TNR: variants seen among roughly 807,000 people sequenced by gnomAD.
The protein encoded by TNR is tenascin-R.
In TNR, 45 loss-of-function variants were observed where a neutral mutation model predicts 150.4. The ratio of observed to expected loss-of-function variants is 0.30; its 90% CI spans 0.24 to 0.38. The LOEUF is 0.38. Among genes scored for constraint, TNR ranks in the 10% least tolerant of loss-of-function variants. The probability of loss-of-function intolerance (pLI) is 1.00; values close to 1 mark genes in which losing one functional copy is unlikely to be tolerated. For missense variants in TNR, 1,544 were observed against 1,759.1 expected (o/e 0.88, Z 2.19); for synonymous variants, 687 against 678.4 (o/e 1.01, Z -0.20).
intron 2 of TNR, among the ~76,000 whole-genome samples, chr1:175,507,469 G>A (rs1026748071): frequency 3.3e-5 from 5 of 151,906 alleles, no homozygotes; most frequent in African/African-American, 7.3e-5. Flanking sequence ...ATCACCTGAC[G>A]GAGTCCCAGA....
intron 1 of TNR, among the ~76,000 whole-genome samples, chr1:175,678,162 C>T (rs918519888): frequency 1.3e-5 from 2 of 152,148 alleles, no homozygotes; most frequent in Admixed American, 6.5e-5. Flanking sequence ...CATTTCTTAC[C>T]CTCAGCCATC....
chr1:175,495,672 C>A (rs1658457481), intron 2 of TNR, among the ~76,000 whole-genome samples: 1 of 152,230 alleles, frequency 6.6e-6, no homozygotes, highest in Non-Finnish European at 1.5e-5. Flanking sequence ...GGACCAAGCT[C>A]TGGGAATAGT....
intron 7 of TNR, among the ~76,000 whole-genome samples, chr1:175,388,625 C>A (rs1386148089): frequency 6.6e-6 from 1 of 152,194 alleles, no homozygotes; most frequent in Non-Finnish European, 1.5e-5. Flanking sequence ...CACTTGGTAG[C>A]AATGTTCCAT....
chr1:175,739,538 C>G (rs1288601765), intron 1 of TNR, among the ~76,000 whole-genome samples: 1 of 152,002 alleles, frequency 6.6e-6, no homozygotes, highest in Non-Finnish European at 1.5e-5. Context: ...ACACATTCAC[C>G]AAAGTTACCA....
intron 2 of TNR, among the ~76,000 whole-genome samples, chr1:175,526,200 A>G (rs1251787618): frequency 2.0e-5 from 3 of 152,190 alleles, no homozygotes; most frequent in Non-Finnish European, 1.5e-5. Context: ...CATATTTCTG[A>G]CTATCTTACA....
At chr1:175,360,277 G>A (rs1651531480) in intron 14 of TNR, among the ~76,000 whole-genome samples, 1 of 152,216 alleles carries the variant, frequency 6.6e-6, no homozygotes, top group Non-Finnish European at 1.5e-5. Flanking sequence ...TGGAATGACT[G>A]CGTGGGCTCA....
intron 2 of TNR, among the ~76,000 whole-genome samples, chr1:175,477,977 C>T (rs1001137440): frequency 6.6e-6 from 1 of 152,182 alleles, no homozygotes; most frequent in African/African-American, 2.4e-5. Context: ...ACCCAACATG[C>T]TTCTGGGTGG....
chr1:175,359,854 G>A, intron 14 of TNR, 123 bp from the exon 15 acceptor site: 1 of 1,249,386 alleles, frequency 8.0e-7, no homozygotes, highest in Non-Finnish European at 1.1e-6. Flanking sequence ...ACAAAGAAGT[G>A]AGCAGAAACC....
chr1:175,416,178 A>T (rs1281179838), intron 2 of TNR, among the ~76,000 whole-genome samples: 4 of 152,200 alleles, frequency 2.6e-5, no homozygotes, highest in Non-Finnish European at 5.9e-5. Context: ...ACACACAGAC[A>T]CACATACACA....
intron 1 of TNR, among the ~76,000 whole-genome samples, chr1:175,549,918 G>T (rs1297840116): frequency 6.6e-6 from 1 of 152,162 alleles, no homozygotes; most frequent in Non-Finnish European, 1.5e-5. Context: ...AAAACACCCT[G>T]GACTCCTGAC....
chr1:175,689,669 C>T (rs1666302225), intron 1 of TNR, among the ~76,000 whole-genome samples: 1 of 152,166 alleles, frequency 6.6e-6, no homozygotes, highest in Admixed American at 6.5e-5. Context: ...CTTTATTGGC[C>T]TCGATGCCAT....
intron 16 of TNR, among the ~76,000 whole-genome samples, chr1:175,355,995 A>C (rs754523841): frequency 6.6e-6 from 1 of 151,508 alleles, no homozygotes; most frequent in Non-Finnish European, 1.5e-5. Flanking sequence ...CCTATTCATC[A>C]CTCTACTCAG....
chr1:175,741,771 T>A (rs777287722), intron 1 of TNR, among the ~76,000 whole-genome samples: 1 of 152,168 alleles, frequency 6.6e-6, no homozygotes, highest in East Asian at 1.9e-4. Flanking sequence ...GCAGAGAGTA[T>A]TTTCTTCATC....
intron 1 of TNR, among the ~76,000 whole-genome samples, chr1:175,727,004 C>T (rs1303757244): frequency 6.6e-6 from 1 of 152,154 alleles, no homozygotes; most frequent in African/African-American, 2.4e-5. Context: ...CATGGCTCAA[C>T]ACTGGACTGA....
intron 2 of TNR, among the ~76,000 whole-genome samples, chr1:175,419,550 C>T (rs770422423): frequency 2.6e-5 from 4 of 152,096 alleles, no homozygotes; most frequent in African/African-American, 9.7e-5. Flanking sequence ...GGCACGATCT[C>T]GGCTCACTGC....
intron 1 of TNR, among the ~76,000 whole-genome samples, chr1:175,737,768 G>A (rs1469697920): frequency 6.6e-6 from 1 of 152,186 alleles, no homozygotes; most frequent in Non-Finnish European, 1.5e-5. Context: ...AAGTTGGGGT[G>A]CCCTTGGCAG....
chr1:175,379,631 G>C lies in TNR; in HGVS notation c.1884C>G (p.Tyr628Ter). Residue 628 changes from tyrosine (Y) to a stop codon, truncating the protein, a stop_gained, in exon 9 of 23, where the codon TAC becomes TAG. Coordinates refer to ENST00000367674, the MANE Select transcript of TNR (RefSeq NM_003285.3). LOFTEE classifies it high-confidence loss of function. ...GATATTGCTCACCCGCCAGGGTGCTGTACACAACCTTGTACTCCTGAACTT... is the reference window on the plus strand; with the variant it reads ...GATATTGCTCACCCGCCAGGGTGCTCTACACAACCTTGTACTCCTGAACTT... Reference protein sequence around the residue: ...EAEVQEYKVVYSTLAGEQYHE... With the variant: ...EAEVQEYKVV The C allele has an allele frequency of 6.2e-7, 1 of 1,614,202 alleles. No homozygotes were observed. Among genetic ancestry groups the C allele is most frequent in the Non-Finnish European group, 8.5e-7 (1 of 1,180,032 alleles).
chr1:175,526,949 G>A (rs539726496), intron 2 of TNR, among the ~76,000 whole-genome samples: 18 of 152,358 alleles, frequency 1.2e-4, no homozygotes, highest in East Asian at 1.2e-3. Flanking sequence ...AGGCTTGGCC[G>A]GGAAAGATGG....
At chr1:175,483,556 C>T (rs1657890711) in intron 2 of TNR, among the ~76,000 whole-genome samples, 2 of 152,102 alleles carry the variant, frequency 1.3e-5, no homozygotes. Context: ...AAATACAAGC[C>T]AGAAGGAAAA....
Sources: gnomAD v4.1 joint callset for allele counts (sites outside exome capture counted in the v4.1 genomes callset) on GRCh38, gnomAD v4.1.1 for gene constraint, MANE v1.5 for transcripts, NCBI Gene and HGNC (gene_info 2026-07-23, HGNC 2026-07-21) for gene names.